The following CHN2 variants were observed in gnomAD, a reference collection of about 807,000 sequenced individuals.
The protein encoded by CHN2 is beta-chimaerin.
Under a neutral mutation model 56.3 loss-of-function variants are expected in CHN2, and 35 were observed. That is an observed-to-expected ratio of 0.62 (90% CI 0.47 to 0.82). CHN2 has a LOEUF of 0.82. Ranked by LOEUF, CHN2 falls within the 40% of genes least tolerant of loss-of-function variation. The pLI is 0.00. For missense variants in CHN2, 491 were observed against 580.5 expected (o/e 0.85, Z 1.58); for synonymous variants, 210 against 212.8 (o/e 0.99, Z 0.12).
intron 1 of CHN2, among the ~76,000 whole-genome samples, chr7:29,205,732 A>G: frequency 6.6e-6 from 1 of 152,210 alleles, no homozygotes; most frequent in South Asian, 2.1e-4. Flanking sequence ...TGCATCCTGC[A>G]GTCCCAACAT....
intron 6 of CHN2, among the ~76,000 whole-genome samples, chr7:29,473,470 G>GGTTTTTTT (rs1554298944): frequency 2.1e-5 from 2 of 93,506 alleles, no homozygotes; most frequent in South Asian, 3.4e-4. Context: ...GTGTGTTTGT[G>GGTTTTTTT]TTTTTTTTTT....
chr7:29,344,783 C>T (rs1334927589), intron 1 of CHN2, among the ~76,000 whole-genome samples: 1 of 152,152 alleles, frequency 6.6e-6, no homozygotes, highest in Non-Finnish European at 1.5e-5. Context: ...CAGGGCTACT[C>T]AAGGCAGAGG....
intron 7 of CHN2, among the ~76,000 whole-genome samples, chr7:29,494,586 C>T (rs1411240004): frequency 6.6e-6 from 1 of 151,966 alleles, no homozygotes; most frequent in East Asian, 1.9e-4. Context: ...GGGTCATTCC[C>T]TAGAAAAATG....
intron 1 of CHN2, among the ~76,000 whole-genome samples, chr7:29,295,782 C>T (rs564125073): frequency 3.3e-5 from 5 of 152,286 alleles, no homozygotes; most frequent in Admixed American, 2.0e-4. Flanking sequence ...AAGTGAGCCC[C>T]TGATAAGCAA....
intron 5 of CHN2, among the ~76,000 whole-genome samples, 189 bp downstream of exon 5, chr7:29,398,675 C>A (rs1801963478): frequency 6.6e-6 from 1 of 152,100 alleles, no homozygotes. Flanking sequence ...TGGCTCACTG[C>A]AGCCTCTGCC....
chr7:29,355,316 G>A (rs189787077), intron 2 of CHN2, among the ~76,000 whole-genome samples: 2 of 152,214 alleles, frequency 1.3e-5, no homozygotes, highest in Non-Finnish European at 1.5e-5. Context: ...GGACAAATGT[G>A]TTGACTTCTA....
chr7:29,157,729 A>G (rs912086360), intron 2 of CHN2, among the ~76,000 whole-genome samples: 1 of 152,220 alleles, frequency 6.6e-6, no homozygotes, highest in Non-Finnish European at 1.5e-5. Context: ...ATCTGGTGAT[A>G]GAAAACATAT....
intron 1 of CHN2, chr7:29,200,783 A>G (rs1784098807): frequency 6.6e-6 from 1 of 152,072 alleles, no homozygotes; most frequent in Non-Finnish European, 1.5e-5. Flanking sequence ...TAAAGTCTCC[A>G]TGGCTAGAGG....
intron 2 of CHN2, among the ~76,000 whole-genome samples, chr7:29,160,485 T>C (rs1427334787): frequency 6.6e-6 from 1 of 152,176 alleles, no homozygotes; most frequent in Admixed American, 6.5e-5. Flanking sequence ...CTACCCCTTT[T>C]CCCTTTGCCA....
intron 1 of CHN2, among the ~76,000 whole-genome samples, chr7:29,319,673 G>C (rs1256628309): frequency 6.6e-6 from 1 of 152,182 alleles, no homozygotes; most frequent in Non-Finnish European, 1.5e-5. Context: ...GCACTCCCGA[G>C]TTGGCCTCCA....
chr7:29,505,108 C>A (rs1790423013), intron 10 of CHN2, among the ~76,000 whole-genome samples: 1 of 152,176 alleles, frequency 6.6e-6, no homozygotes, highest in Non-Finnish European at 1.5e-5. Flanking sequence ...TCTCTCAAAG[C>A]TCCAAAGAAG....
intron 2 of CHN2, among the ~76,000 whole-genome samples, chr7:29,160,919 T>C (rs1795088902): frequency 6.6e-6 from 1 of 152,354 alleles, no homozygotes; most frequent in Non-Finnish European, 1.5e-5. Context: ...AGATTAATTT[T>C]ATAAATATCT....
At chr7:29,398,768 T>G (rs1397812624) in intron 5 of CHN2, among the ~76,000 whole-genome samples, 1 of 150,114 alleles carries the variant, frequency 6.7e-6, no homozygotes, top group African/African-American at 2.4e-5. Context: ...CTAATTTTTT[T>G]TTTTTTTTTT....
intron 7 of CHN2, among the ~76,000 whole-genome samples, chr7:29,489,213 C>CT (rs1788382539): frequency 6.6e-6 from 1 of 152,144 alleles, no homozygotes; most frequent in Non-Finnish European, 1.5e-5. Flanking sequence ...TCAAACATAC[C>CT]TTATCTCGTG....
intron 6 of CHN2, among the ~76,000 whole-genome samples, chr7:29,432,327 A>G (rs1438748442): frequency 6.6e-6 from 1 of 152,216 alleles, no homozygotes; most frequent in Non-Finnish European, 1.5e-5. Flanking sequence ...GGCTATTGGC[A>G]TTCTTCAGGG....
At position 29,446,908 on chromosome 7, in the gene CHN2, G is replaced by C. The variant is rs1784070726; in HGVS notation, c.577-33371G>C. Among the ~76,000 whole-genome samples, 3 of 152,256 alleles carry C rather than the reference G, an allele frequency of 2.0e-5. No individual in the cohort carries two copies. The South Asian group carries it at 6.2e-4, about 32-fold the overall frequency. ...TACTCAGGATGCCTCCATCTCAGGA[G>C]TGGGCCACACTTAGCCCTATCTGAG... On this transcript the variant is annotated intron_variant, in intron 6 of 12. Transcript: ENST00000222792.
At chr7:29,163,879 A>G (rs1795534579) in intron 2 of CHN2, among the ~76,000 whole-genome samples, 1 of 152,202 alleles carries the variant, frequency 6.6e-6, no homozygotes, top group South Asian at 2.1e-4. Context: ...TGCTGAATTC[A>G]TTGCTGAATT....
rs1400906169 is a variant in CHN2 at position 29,400,614 on chromosome 7, A to C, written c.362A>C (p.Glu121Ala). The C allele has an allele frequency of 6.2e-7, 1 of 1,614,172 alleles. No individual in the cohort carries two copies. The highest frequency in any genetic ancestry group is 1.1e-5 in the South Asian group (1 of 91,074). Residue 121 changes from glutamate (E) to alanine (A), a missense_variant, in exon 6 of 13, where the codon GAG (glutamate) becomes GCG (alanine). Coordinates refer to ENST00000222792, the MANE Select transcript of CHN2 (RefSeq NM_004067.4). ...GKHFVGEKRFESIHDLVTDGL... is the reference protein window; with the variant it reads ...GKHFVGEKRFASIHDLVTDGL... ...CACTTTGTGGGTGAGAAGAGGTTTG[A>C]GTCGATTCATGATCTGGTGACAGAT...
intron 6 of CHN2, among the ~76,000 whole-genome samples, chr7:29,428,132 T>G (rs989715503): frequency 2.1e-4 from 32 of 152,310 alleles, no homozygotes; most frequent in African/African-American, 6.7e-4. Context: ...TCACTTAATC[T>G]CTCTCTGCCT....
Sources: allele counts gnomAD v4.1 joint callset (sites outside exome capture counted in the v4.1 genomes callset), GRCh38; gene constraint gnomAD v4.1.1; transcripts MANE v1.5; gene names NCBI Gene and HGNC (gene_info 2026-07-23, HGNC 2026-07-21).